Variants in SH3RF3 observed in about 807,000 individuals in gnomAD.
SH3RF3 encodes the protein SH3 domain containing ring finger 3, also known as E3 ubiquitin-protein ligase SH3RF3.
A neutral mutation model predicts 66.3 loss-of-function variants in SH3RF3; 29 were observed. The observed-to-expected ratio is 0.44, with a 90% confidence interval of 0.33 to 0.60. The LOEUF (loss-of-function observed/expected upper bound fraction) is 0.60, where lower values mean the gene tolerates loss of function less well. SH3RF3 is among the 20% of genes least tolerant of loss of function. The pLI is 0.04. For synonymous variants in SH3RF3, 583 were observed against 532.0 expected (o/e 1.10, Z -1.32); for missense variants, 1,194 against 1,190.9 (o/e 1.00, Z -0.04).
chr2:109,392,559 A>C (rs1286699251), intron 3 of SH3RF3, among the ~76,000 whole-genome samples: 1 of 151,436 alleles, frequency 6.6e-6, no homozygotes, highest in Non-Finnish European at 1.5e-5. Flanking sequence ...GCCCAGGCTG[A>C]GTGCAGTGGC....
At chr2:109,248,715 GCCT>G (rs1679979888) in intron 1 of SH3RF3, among the ~76,000 whole-genome samples, 1 of 151,566 alleles carries the variant, frequency 6.6e-6, no homozygotes, top group African/African-American at 2.4e-5. Flanking sequence ...TTCTTTCCTT[GCCT>G]CCTTCTTTTC....
chr2:109,411,449 C>G (rs1056469893), intron 4 of SH3RF3, among the ~76,000 whole-genome samples: 6 of 152,222 alleles, frequency 3.9e-5, no homozygotes, highest in African/African-American at 1.2e-4. Context: ...TAGCGTGCTG[C>G]TGAGCCTGTC....
intron 1 of SH3RF3, among the ~76,000 whole-genome samples, chr2:109,224,821 C>T (rs1364909644): frequency 6.6e-6 from 1 of 152,160 alleles, no homozygotes; most frequent in Non-Finnish European, 1.5e-5. Context: ...CATGCCACTG[C>T]AGTCCAGCCT....
At chr2:109,366,367 G>A (rs1234225250) in intron 2 of SH3RF3, among the ~76,000 whole-genome samples, 1 of 152,140 alleles carries the variant, frequency 6.6e-6, no homozygotes. Flanking sequence ...AGATCTATAT[G>A]TACTGTCACT....
intron 1 of SH3RF3, among the ~76,000 whole-genome samples, chr2:109,264,390 C>G (rs1353688596): frequency 6.6e-6 from 1 of 151,870 alleles, no homozygotes; most frequent in Non-Finnish European, 1.5e-5. Flanking sequence ...CCAGGATCCA[C>G]CTCGAGTCTG....
In SH3RF3 at chr2:109,419,536, C is replaced by T. The variant is rs1267623052; in HGVS notation, c.1300-3C>T. On this transcript the variant is annotated splice_polypyrimidine_tract_variant and splice_region_variant and intron_variant, in intron 4 of 9. Transcript: ENST00000309415. ...ACTCCTGTCCCCTCTTGTCTGTTTC[C>T]AGGATGTCTCCTCCTCGGCGGGATC... 6.3e-7 allele frequency: 1 copy of T among 1,589,996 alleles called. No individual in the cohort carries two copies. Among genetic ancestry groups the T allele is most frequent in the East Asian group, 2.3e-5 (1 of 43,770 alleles).
chr2:109,272,906 A>C (rs566237300), intron 1 of SH3RF3, among the ~76,000 whole-genome samples: 149 of 152,338 alleles, frequency 9.8e-4, no homozygotes, highest in African/African-American at 3.4e-3. Context: ...TGTCATGCCA[A>C]GACAGTTTCC....
intron 5 of SH3RF3, among the ~76,000 whole-genome samples, chr2:109,424,123 G>C (rs1177448731): frequency 6.6e-6 from 1 of 152,218 alleles, no homozygotes; most frequent in Admixed American, 6.5e-5. Context: ...GAGATGGGGA[G>C]GTTTGTGGGG....
At chr2:109,436,827 A>G (rs2104586024) in intron 6 of SH3RF3, 66 bp from the exon 7 acceptor site, 6 of 1,558,010 alleles carry the variant, frequency 3.9e-6, no homozygotes, top group East Asian at 4.6e-5. Context: ...AGGCTCTGCC[A>G]GAGGCCCACA....
intron 8 of SH3RF3, among the ~76,000 whole-genome samples, chr2:109,468,533 G>A (rs115136400): frequency 0.015 from 2,354 of 152,136 alleles, 52 homozygotes; most frequent in African/African-American, 0.054. Flanking sequence ...GGCAAGAAGC[G>A]AGCACAAACG....
Position 109,398,887 on chromosome 2 carries a change from C to G in SH3RF3, c.1243C>G (p.Arg415Gly), listed in dbSNP as rs1216633840. 2 of 1,613,670 alleles carry G rather than the reference C, an allele frequency of 1.2e-6. No individual in the cohort carries two copies. The highest frequency in any genetic ancestry group is 1.6e-4 in the Middle Eastern group (1 of 6,062). Residue 415 changes from arginine to glycine, a missense_variant, in exon 4 of 10, where the codon CGA becomes GGA. Coordinates refer to ENST00000309415, the MANE Select transcript of SH3RF3 (RefSeq NM_001099289.3). ...APVLISSSDP[R>G]AAARIGDLAH... ...AGTGTTGATCAGCTCCAGCGATCCC[C>G]GAGCCGCGGCCAGGATTGGAGACCT...
intron 1 of SH3RF3, among the ~76,000 whole-genome samples, chr2:109,334,346 T>G (rs892946060): frequency 7.5e-6 from 1 of 134,058 alleles, no homozygotes; most frequent in Non-Finnish European, 1.6e-5. Flanking sequence ...TGACAGTTTT[T>G]TTTTTTTCCT....
At chr2:109,184,413 A>C (rs1678139648) in intron 1 of SH3RF3, among the ~76,000 whole-genome samples, 1 of 152,226 alleles carries the variant, frequency 6.6e-6, no homozygotes, top group Non-Finnish European at 1.5e-5. Context: ...GAAAGCAGAT[A>C]TGTCAGATGT....
chr2:109,262,036 G>A (rs968758675), intron 1 of SH3RF3, among the ~76,000 whole-genome samples: 6 of 152,152 alleles, frequency 3.9e-5, no homozygotes, highest in African/African-American at 7.2e-5. Context: ...GAGACAGGTC[G>A]GTGGCCCGGC....
chr2:109,152,754 G>T (rs1346532953), intron 1 of SH3RF3, among the ~76,000 whole-genome samples: 1 of 152,198 alleles, frequency 6.6e-6, no homozygotes, highest in African/African-American at 2.4e-5. Flanking sequence ...AGAGGGGCGG[G>T]GGGGACCCAG....
intron 1 of SH3RF3, among the ~76,000 whole-genome samples, chr2:109,270,447 A>G (rs1380352146): frequency 1.3e-5 from 2 of 152,042 alleles, no homozygotes; most frequent in African/African-American, 4.8e-5. Context: ...GGAAGGAAAC[A>G]TTTCTTCTTG....
chr2:109,396,773 T>C (rs1053819684), intron 3 of SH3RF3, among the ~76,000 whole-genome samples: 1 of 152,248 alleles, frequency 6.6e-6, no homozygotes, highest in South Asian at 2.1e-4. Context: ...GCCTATATCC[T>C]TAGCCTATGC....
intron 1 of SH3RF3, among the ~76,000 whole-genome samples, chr2:109,222,569 G>A (rs1175119162): frequency 1.3e-5 from 2 of 152,206 alleles, no homozygotes; most frequent in Non-Finnish European, 1.5e-5. Flanking sequence ...AGGAGAGCAG[G>A]CCCTGGGCTT....
At chr2:109,218,584 A>G (rs905796295) in intron 1 of SH3RF3, among the ~76,000 whole-genome samples, 1 of 152,174 alleles carries the variant, frequency 6.6e-6, no homozygotes, top group African/African-American at 2.4e-5. Context: ...CTCGGTCAAA[A>G]TACAGCCTCA....
Sources: allele counts gnomAD v4.1 joint callset (sites outside exome capture counted in the v4.1 genomes callset), GRCh38; gene constraint gnomAD v4.1.1; transcripts MANE v1.5; gene names NCBI Gene and HGNC (gene_info 2026-07-23, HGNC 2026-07-21).